Variants in PPFIBP2 observed in about 807,000 individuals in gnomAD.
The protein encoded by PPFIBP2 is PPFIB scaffold protein 2.
Under a neutral mutation model 118.3 loss-of-function variants are expected in PPFIBP2, and 118 were observed. That is an observed-to-expected ratio of 1.00 (90% CI 0.86 to 1.16). The LOEUF is 1.16. Ranked by LOEUF, PPFIBP2 falls within the 50% of genes most tolerant of loss-of-function variation. The pLI is 0.00. For synonymous variants in PPFIBP2, 414 were observed against 397.4 expected (o/e 1.04, Z -0.50); for missense variants, 1,195 against 1,073.1 (o/e 1.11, Z -1.59).
intron 21 of PPFIBP2, 116 bp from the exon 22 acceptor site, chr11:7,650,724 G>A: frequency 1.8e-6 from 2 of 1,133,864 alleles, no homozygotes; most frequent in South Asian, 2.3e-5. Flanking sequence ...AAGCTTGAGG[G>A]CCTTCTATTG....
intron 1 of PPFIBP2, among the ~76,000 whole-genome samples, chr11:7,515,435 A>G (rs1452396013): frequency 6.6e-6 from 1 of 152,220 alleles, no homozygotes; most frequent in Non-Finnish European, 1.5e-5. Context: ...GAATGAGATC[A>G]ATGACATGAA....
rs1565130248 is a variant in PPFIBP2, at chr11:7,651,659, C to G, written c.2251C>G (p.Leu751Val). ...GSGVHGGLII[L>V]EPRFTGDTLA... ...CTTGTCTCTGGTTCCTTCTTAGATC[C>G]TGGAGCCACGCTTCACTGGGGACAC... Residue 751 changes from leucine (L) to valine (V), a missense_variant, in exon 23 of 24, where the codon CTG becomes GTG. By Grantham distance (32) the Leu-to-Val change is conservative (BLOSUM62 1). Transcript: ENST00000299492. 4 of 1,603,274 alleles carry G rather than the reference C, an allele frequency of 2.5e-6. No homozygotes were observed. Among genetic ancestry groups the G allele is most frequent in the Non-Finnish European group, 3.4e-6 (4 of 1,171,846 alleles).
intron 3 of PPFIBP2, among the ~76,000 whole-genome samples, chr11:7,566,528 T>A (rs1037384784): frequency 2.6e-5 from 4 of 151,094 alleles, no homozygotes; most frequent in African/African-American, 9.7e-5. Context: ...CCTGGCTAAT[T>A]AAAAAAAAAA....
At chr11:7,590,108 T>C (rs1419786277) in intron 3 of PPFIBP2, among the ~76,000 whole-genome samples, 1 of 152,200 alleles carries the variant, frequency 6.6e-6, no homozygotes, top group African/African-American at 2.4e-5. Context: ...ATCCTTACCT[T>C]AGGCTGATGA....
At position 7,592,861 on chromosome 11, in the gene PPFIBP2, C is replaced by T. The variant is rs117038312; in HGVS notation, c.280-271C>T. ...CATGTCAAGTCAAGCACTGCTGGGCCTAGAGTTTCACAGAGGCCCTCCTGG... is the reference window on the plus strand; with the variant it reads ...CATGTCAAGTCAAGCACTGCTGGGCTTAGAGTTTCACAGAGGCCCTCCTGG... On this transcript the variant is annotated intron_variant, in intron 3 of 23. Coordinates refer to ENST00000299492, the MANE Select transcript of PPFIBP2 (RefSeq NM_003621.5). Among the ~76,000 whole-genome samples, 22 of 152,334 alleles carry T rather than the reference C, an allele frequency of 1.4e-4. 1 individual carries two copies. The East Asian group carries it at 4.3e-3, about 29-fold the overall frequency.
intron 14 of PPFIBP2, among the ~76,000 whole-genome samples, chr11:7,636,354 A>G (rs1851450953): frequency 6.6e-6 from 1 of 152,076 alleles, no homozygotes; most frequent in Admixed American, 6.5e-5. Flanking sequence ...GCACGTCTGC[A>G]TCTATATAAG....
At chr11:7,635,469 A>G (rs754625038) in intron 13 of PPFIBP2, 83 bp from the exon 14 acceptor site, 24 of 1,329,736 alleles carry the variant, frequency 1.8e-5, no homozygotes, top group Non-Finnish European at 2.6e-5. Flanking sequence ...TTAAGCAAAC[A>G]GGTAGTCCTG....
chr11:7,597,263 G>A (rs1163634253), intron 4 of PPFIBP2: 3 of 1,535,214 alleles, frequency 2.0e-6, no homozygotes, highest in Admixed American at 3.9e-5. Context: ...AGGAGCAGGA[G>A]TCCAGCCCAG....
At chr11:7,661,780 C>G (rs56145656), downstream of PPFIBP2, among the ~76,000 whole-genome samples, 1,723 of 77,216 alleles carry the variant, frequency 0.022, 67 homozygotes, top group Middle Eastern at 0.043. Context: ...GCGTGGGAGT[C>G]TAAGTCTCTT....
intron 23 of PPFIBP2, 97 bp downstream of exon 23, chr11:7,651,941 G>T: frequency 1.7e-6 from 2 of 1,193,462 alleles, no homozygotes; most frequent in Middle Eastern, 2.9e-4. Flanking sequence ...AGCAGCATGC[G>T]CAGCCTGGAC....
chr11:7,620,931 C>G lies in PPFIBP2; in HGVS notation c.619-4C>G. 6.3e-7 allele frequency: 1 copy of G among 1,595,726 alleles called. No individual in the cohort carries two copies. Among genetic ancestry groups the G allele is most frequent in the Non-Finnish European group, 8.6e-7 (1 of 1,163,252 alleles). On this transcript the variant is annotated splice_polypyrimidine_tract_variant and splice_region_variant and intron_variant, in intron 6 of 23. Coordinates refer to ENST00000299492, the MANE Select transcript of PPFIBP2 (RefSeq NM_003621.5). ...GAACTTTGTCTTTCTCCCTCATCCC[C>G]TAGGAGTTACTGCAAGAGCTCAGGC...
At chr11:7,562,234 G>A (rs556730232) in intron 2 of PPFIBP2, among the ~76,000 whole-genome samples, 1 of 152,334 alleles carries the variant, frequency 6.6e-6, no homozygotes, top group African/African-American at 2.4e-5. Context: ...GGCTAGGGCT[G>A]GGAACACCTG....
At position 7,616,707 on chromosome 11, in the gene PPFIBP2, G is replaced by A. The variant is rs550197545; in HGVS notation, c.619-4228G>A. On this transcript the variant is annotated intron_variant, in intron 6 of 23. Transcript: ENST00000299492. The surrounding 1 kb of genome is among the most constrained non-coding windows in gnomAD (Gnocchi z 5.2). ...CCCTGTGCATAGGTGCTGACACGTT[G>A]GGTGTTTGGGTAAGGGGAGTCGGTG... Among the ~76,000 whole-genome samples, 32 of 152,268 alleles carry A rather than the reference G, an allele frequency of 2.1e-4. No individual in the cohort carries two copies. The highest frequency in any genetic ancestry group is 4.3e-4 in the Non-Finnish European group (29 of 68,018).
At chr11:7,635,665 T>A in intron 14 of PPFIBP2, 72 bp downstream of exon 14, 3 of 1,492,084 alleles carry the variant, frequency 2.0e-6, no homozygotes, top group Non-Finnish European at 1.9e-6. Context: ...TAGCAAGTCA[T>A]AGTTTTCATA....
intron 2 of PPFIBP2, among the ~76,000 whole-genome samples, chr11:7,554,785 T>TAGACTAGACTAGACTAGACTA (rs1853399928): frequency 7.7e-6 from 1 of 129,712 alleles, no homozygotes; most frequent in African/African-American, 3.1e-5. Flanking sequence ...GAATCCCAGG[T>TAGACTAGACTAGACTAGACTA]GACTAGACTA....
At position 7,620,945 on chromosome 11, in the gene PPFIBP2, A is replaced by G; in HGVS notation, c.629A>G (p.Gln210Arg). The G allele has an allele frequency of 6.2e-7, 1 of 1,609,420 alleles. No homozygotes were observed. The highest frequency in any genetic ancestry group is 1.7e-5 in the Admixed American group (1 of 60,020). ...EKQRKAEELL[Q>R]ELRHLKIKVE... is the part of the protein sequence containing the mutation. ...TCCCTCATCCCCTAGGAGTTACTGC[A>G]AGAGCTCAGGCACCTCAAAATCAAA... The change falls in exon 7 of 24, where the codon CAA becomes CGA. Residue 210 changes from glutamine to arginine, a missense_variant. Gln to Arg is a conservative substitution (Grantham distance 43). Coordinates refer to ENST00000299492, the MANE Select transcript of PPFIBP2 (RefSeq NM_003621.5).
At chr11:7,602,554 T>C (rs1452134990) in intron 5 of PPFIBP2, among the ~76,000 whole-genome samples, 2 of 152,194 alleles carry the variant, frequency 1.3e-5, no homozygotes, top group African/African-American at 2.4e-5. Flanking sequence ...TAAGAGGTTT[T>C]ACATGGAGCT....
At chr11:7,533,662 G>T (rs1318990887) in intron 1 of PPFIBP2, among the ~76,000 whole-genome samples, 2 of 152,166 alleles carry the variant, frequency 1.3e-5, no homozygotes, top group African/African-American at 2.4e-5. Flanking sequence ...AGGTTTTCTG[G>T]CAGTGGTCAT....
At chr11:7,577,328 T>TGTGC (rs1554958789) in intron 3 of PPFIBP2, 37,562 of 281,714 alleles carry the variant, frequency 0.13, 2,657 homozygotes, top group Non-Finnish European at 0.18. Flanking sequence ...TGCGTGTGTG[T>TGTGC]GTGTGTGTGT....
Sources: allele counts gnomAD v4.1 joint callset (sites outside exome capture counted in the v4.1 genomes callset), GRCh38; gene constraint gnomAD v4.1.1; non-coding constraint Gnocchi (gnomAD v3.1); transcripts MANE v1.5; gene names NCBI Gene and HGNC (gene_info 2026-07-23, HGNC 2026-07-21).